Variants in SLC7A1 observed in about 807,000 individuals in gnomAD.
SLC7A1 encodes the protein high affinity cationic amino acid transporter 1.
In SLC7A1, 10 loss-of-function variants were observed where a neutral mutation model predicts 53.9. That is an observed-to-expected ratio of 0.19 (90% confidence interval 0.11 to 0.31). SLC7A1 has a LOEUF of 0.31. Ranked by LOEUF, SLC7A1 falls within the 10% of genes least tolerant of loss-of-function variation. The pLI, the probability that SLC7A1 is intolerant of heterozygous loss-of-function variation, is 1.00. For synonymous variants in SLC7A1, 342 were observed against 338.7 expected (o/e 1.01, Z -0.11); for missense variants, 525 against 827.2 (o/e 0.63, Z 4.48).
intron 1 of SLC7A1, among the ~76,000 whole-genome samples, chr13:29,554,327 C>T (rs544976073): frequency 2.0e-5 from 3 of 152,278 alleles, no homozygotes; most frequent in African/African-American, 4.8e-5. Flanking sequence ...GACTCCAATT[C>T]GTACAATCGA....
At chr13:29,527,903 G>C (rs1868971618) in intron 5 of SLC7A1, among the ~76,000 whole-genome samples, 1 of 152,252 alleles carries the variant, frequency 6.6e-6, no homozygotes, top group African/African-American at 2.4e-5. Flanking sequence ...GGACATATGA[G>C]CCTTAAGAAT....
chr13:29,536,352 T>C (rs1593551164), intron 2 of SLC7A1, 150 bp from the exon 3 acceptor site: 1 of 844,022 alleles, frequency 1.2e-6, no homozygotes, highest in Non-Finnish European at 1.8e-6. Context: ...CCACCATCAA[T>C]TGTCAGAAGC....
chr13:29,523,007 A>C (rs1195964922), intron 7 of SLC7A1, among the ~76,000 whole-genome samples: 1 of 152,232 alleles, frequency 6.6e-6, no homozygotes, highest in Non-Finnish European at 1.5e-5. Flanking sequence ...AGGGACAGAG[A>C]ACCAGTCCCT....
intron 1 of SLC7A1, among the ~76,000 whole-genome samples, chr13:29,572,689 G>A (rs527982336): frequency 1.1e-4 from 16 of 152,242 alleles, no homozygotes; most frequent in African/African-American, 3.9e-4. Context: ...TCCCCCAGTC[G>A]TTCTCTGCCC....
At position 29,512,007 on chromosome 13, in the gene SLC7A1, A is replaced by G. The variant is rs1883407303; in HGVS notation, c.*2473T>C. On this transcript the variant is annotated 3_prime_UTR_variant, in exon 13 of 13. Coordinates refer to ENST00000380752, the MANE Select transcript of SLC7A1 (RefSeq NM_003045.5). ...TTGTGTGTATTTTTATTTCAGGGAA[A>G]GAAATGAGGGATATGATAAGAAAAA... is the stretch of plus-strand genomic sequence containing the variant. 1 of 152,172 alleles carries G rather than the reference A, an allele frequency of 6.6e-6. No individual in the cohort carries two copies. The highest frequency in any genetic ancestry group is 1.5e-5 in the Non-Finnish European group (1 of 68,032). The allele number at this position is 152,172 out of a possible 1,614,324, so 9.4% of individuals were successfully genotyped here. A position where few individuals can be genotyped will look rare whatever the true frequency, so the allele number is the denominator to read the frequency against.
chr13:29,567,439 C>G lies in SLC7A1; in HGVS notation c.-114-13579G>C, dbSNP rs1756441. Among the ~76,000 whole-genome samples, 523 of 152,302 alleles carry G rather than the reference C, an allele frequency of 3.4e-3. 4 individuals are homozygous for G. The highest frequency in any genetic ancestry group is 0.012 in the African/African-American group (490 of 41,570). Reference sequence around the variant, plus strand: ...CCAGCCCAGTATTTCCTAAGGCCATCAGGGCTCACTACCAGGGCAAAAAAG... The same window carrying G: ...CCAGCCCAGTATTTCCTAAGGCCATGAGGGCTCACTACCAGGGCAAAAAAG... On this transcript the variant is annotated intron_variant, in intron 1 of 12. Transcript: ENST00000380752.
intron 5 of SLC7A1, among the ~76,000 whole-genome samples, chr13:29,528,779 A>G (rs1869015195): frequency 6.6e-6 from 1 of 152,164 alleles, no homozygotes; most frequent in Non-Finnish European, 1.5e-5. Flanking sequence ...CGTCAGATGT[A>G]GCTAAGGGGG....
At position 29,514,399 on chromosome 13, in the gene SLC7A1, G is replaced by T; in HGVS notation, c.*81C>A. ...GGACGCAGGTGGTTTCTGTTGCACT[G>T]GTGGGGAGGGTGGGGTGCCTCCCGG... On this transcript the variant is annotated 3_prime_UTR_variant, in exon 13 of 13. Coordinates refer to ENST00000380752, the MANE Select transcript of SLC7A1 (RefSeq NM_003045.5). The T allele has an allele frequency of 1.0e-6, 1 of 977,454 alleles. No individual in the cohort carries two copies. Among genetic ancestry groups the T allele is most frequent in the Non-Finnish European group, 1.6e-6 (1 of 628,682 alleles). 60.5% of individuals were successfully genotyped at this position (977,454 alleles called of 1,614,324 possible). A position where few individuals can be genotyped will look rare whatever the true frequency, so the allele number is the denominator to read the frequency against.
intron 1 of SLC7A1, among the ~76,000 whole-genome samples, chr13:29,561,086 G>A (rs1335810975): frequency 6.6e-6 from 1 of 152,140 alleles, no homozygotes; most frequent in African/African-American, 2.4e-5. Context: ...CCAGAAACTG[G>A]GGATGCAGCA....
chr13:29,524,377 C>T, intron 5 of SLC7A1, 124 bp from the exon 6 acceptor site: 2 of 1,252,486 alleles, frequency 1.6e-6, no homozygotes, highest in Non-Finnish European at 2.2e-6. Flanking sequence ...CGCTGCCAGG[C>T]CCTGGGCTTC....
intron 1 of SLC7A1, among the ~76,000 whole-genome samples, chr13:29,569,857 G>C (rs1304195678): frequency 2.0e-5 from 3 of 152,200 alleles, no homozygotes; most frequent in African/African-American, 7.2e-5. Flanking sequence ...AGCTCTAGGA[G>C]GCTGAGGCAG....
At chr13:29,525,208 C>G (rs1421094167) in intron 5 of SLC7A1, among the ~76,000 whole-genome samples, 1 of 152,230 alleles carries the variant, frequency 6.6e-6, no homozygotes, top group African/African-American at 2.4e-5. Context: ...CCTCTGCTGC[C>G]ACCCGAAAAG....
chr13:29,531,420 A>G (rs547762092), intron 4 of SLC7A1, among the ~76,000 whole-genome samples: 1 of 152,218 alleles, frequency 6.6e-6, no homozygotes, highest in Non-Finnish European at 1.5e-5. Flanking sequence ...TGAAGAGGTC[A>G]TTCGGGTACT....
At chr13:29,559,755 G>A (rs747973475) in intron 1 of SLC7A1, among the ~76,000 whole-genome samples, 4 of 148,036 alleles carry the variant, frequency 2.7e-5, no homozygotes, top group South Asian at 2.1e-4. Flanking sequence ...TCGCTCTGTC[G>A]CTCAGGCTGG....
At chr13:29,587,044 C>T (rs1447334542) in intron 1 of SLC7A1, among the ~76,000 whole-genome samples, 2 of 152,184 alleles carry the variant, frequency 1.3e-5, no homozygotes, top group Non-Finnish European at 2.9e-5. Context: ...AAGGCCAGCT[C>T]CTTCAAGGAG....
chr13:29,514,103 G>C lies in SLC7A1; in HGVS notation c.*377C>G, dbSNP rs1375763664. The C allele has an allele frequency of 4.3e-6, 1 of 234,886 alleles. No individual in the cohort carries two copies. The highest frequency in any genetic ancestry group is 8.5e-6 in the Non-Finnish European group (1 of 118,204). 14.6% of individuals were successfully genotyped at this position (234,886 alleles called of 1,614,324 possible). ...TGGAGTATGCACAATTTCAATCCCA[G>C]AACAGTCCCCGGGAGGAAGGCCTGG... On this transcript the variant is annotated 3_prime_UTR_variant, in exon 13 of 13. Coordinates refer to ENST00000380752, the MANE Select transcript of SLC7A1 (RefSeq NM_003045.5).
At chr13:29,571,927 C>T (rs1258729353) in intron 1 of SLC7A1, among the ~76,000 whole-genome samples, 1 of 152,242 alleles carries the variant, frequency 6.6e-6, no homozygotes, top group Non-Finnish European at 1.5e-5. Flanking sequence ...AGCAGCCTCA[C>T]TTCCTGCCTT....
chr13:29,573,169 A>C (rs1871270621), intron 1 of SLC7A1, among the ~76,000 whole-genome samples: 2 of 152,226 alleles, frequency 1.3e-5, no homozygotes, highest in African/African-American at 4.8e-5. Flanking sequence ...TGGTGATGAC[A>C]TATATCTGAT....
At chr13:29,556,150 C>T (rs925673392) in intron 1 of SLC7A1, among the ~76,000 whole-genome samples, 6 of 152,150 alleles carry the variant, frequency 3.9e-5, no homozygotes, top group African/African-American at 1.2e-4. Context: ...TAAAACAACA[C>T]GTCCAAACTG....
Sources: allele counts gnomAD v4.1 joint callset (sites outside exome capture counted in the v4.1 genomes callset), GRCh38; gene constraint gnomAD v4.1.1; transcripts MANE v1.5; gene names NCBI Gene and HGNC (gene_info 2026-07-23, HGNC 2026-07-21).